NOA1: variants seen among roughly 807,000 people sequenced by gnomAD.
NOA1 encodes nitric oxide-associated protein 1.
NOA1 carries 35 observed loss-of-function variants against 58.4 expected under a neutral mutation model. That is an observed-to-expected ratio of 0.60 (90% CI 0.46 to 0.79). The LOEUF (loss-of-function observed/expected upper bound fraction) is 0.79. NOA1 is among the 30% of genes least tolerant of loss of function. The probability of loss-of-function intolerance (pLI) is 0.00; values close to 1 mark genes in which losing one functional copy is unlikely to be tolerated. For missense variants in NOA1, 895 were observed against 894.6 expected (o/e 1.00, Z -0.01); for synonymous variants, 397 against 373.4 (o/e 1.06, Z -0.73).
At chr4:56,970,954 C>G (rs1721800065) in intron 3 of NOA1, among the ~76,000 whole-genome samples, 1 of 152,142 alleles carries the variant, frequency 6.6e-6, no homozygotes, top group African/African-American at 2.4e-5. Flanking sequence ...GCCTTTCTGA[C>G]ACAACTATTT....
chr4:56,964,670 T>A, intron 5 of NOA1, 144 bp from the exon 6 acceptor site: 2 of 928,618 alleles, frequency 2.2e-6, no homozygotes, highest in Non-Finnish European at 1.6e-6. Flanking sequence ...GAACTTGCAA[T>A]CACTTCTGGG....
At position 56,976,499 on chromosome 4, in the gene NOA1, A is replaced by G. The variant is rs760873843; in HGVS notation, c.1087T>C (p.Tyr363His). 6.2e-7 allele frequency: 1 copy of G among 1,614,192 alleles called. No individual in the cohort carries two copies. Among genetic ancestry groups the G allele is most frequent in the South Asian group, 1.1e-5 (1 of 91,082 alleles). ...GCCTCGGAGCCCTTGGCAGTGCAGT[A>G]ATCGGACTCCAGGAGCGTGTTAAAG... ...TLFNTLLESD[Y>H]CTAKGSEAID... Residue 363 changes from tyrosine (Y) to histidine (H), a missense_variant, in exon 1 of 7, where the codon TAC becomes CAC. By Grantham distance (83) the Tyr-to-His change is moderately conservative (BLOSUM62 2). Transcript: ENST00000264230.
rs372044502 is a variant in NOA1 at position 56,977,360 on chromosome 4, C to G, written c.226G>C (p.Glu76Gln). The change falls in exon 1 of 7, where the codon GAG becomes CAG. Residue 76 changes from glutamate (E) to glutamine (Q), a missense_variant. By Grantham distance (29) the Glu-to-Gln change is conservative. Around this residue, in one of 3 missense-constraint regions of NOA1, gnomAD observed 680 missense variants for 656.5 expected, o/e 1.04. Transcript: ENST00000264230. ...TGCGGCTCCGGATCCAGGATGTACT[C>G]CGGGAACAGAAAACGCTCCTGCATG... ...GDMQERFLFPEYILDPEPQPT... is the reference protein window; with the variant it reads ...GDMQERFLFPQYILDPEPQPT... 1 of 1,614,220 alleles carries G rather than the reference C, an allele frequency of 6.2e-7. No individual in the cohort carries two copies. The highest frequency in any genetic ancestry group is 2.2e-5 in the East Asian group (1 of 44,878).
At position 56,977,367 on chromosome 4, in the gene NOA1, C is replaced by A. The variant is rs775416443; in HGVS notation, c.219G>T (p.Leu73=). 7 of 1,614,226 alleles carry A rather than the reference C, an allele frequency of 4.3e-6. No individual in the cohort carries two copies. In the East Asian group the frequency reaches 1.1e-4, roughly 26 times the overall value. Residue 73 remains leucine (L), a synonymous_variant, in exon 1 of 7, where the codon CTG becomes CTT. Coordinates refer to ENST00000264230, the MANE Select transcript of NOA1 (RefSeq NM_032313.4). ...GEGGDMQERF[L]FPEYILDPEP... is the part of the protein sequence containing the mutation. Reference sequence around the variant, plus strand: ...CCGGATCCAGGATGTACTCCGGGAACAGAAAACGCTCCTGCATGTCACCAC... The same window carrying A: ...CCGGATCCAGGATGTACTCCGGGAAAAGAAAACGCTCCTGCATGTCACCAC...
At chr4:56,973,405 C>G in intron 2 of NOA1, 52 bp from the exon 3 acceptor site, 1 of 1,406,332 alleles carries the variant, frequency 7.1e-7, no homozygotes, top group Non-Finnish European at 1.0e-6. Flanking sequence ...ACTTTTAACT[C>G]CAGACATAAT....
intron 3 of NOA1, among the ~76,000 whole-genome samples, chr4:56,971,088 G>GGATTACC (rs1175717502): frequency 6.6e-6 from 1 of 152,102 alleles, no homozygotes; most frequent in African/African-American, 2.4e-5. Flanking sequence ...TGAAGTGGGT[G>GGATTACC]GATTACCTGA....
chr4:56,967,847 T>C (rs1352996066), intron 4 of NOA1, among the ~76,000 whole-genome samples: 1 of 152,006 alleles, frequency 6.6e-6, no homozygotes, highest in African/African-American at 2.4e-5. Flanking sequence ...GGGTACTCAA[T>C]TGAAAACGTA....
intron 3 of NOA1, among the ~76,000 whole-genome samples, chr4:56,969,972 C>A (rs947550982): frequency 6.6e-5 from 10 of 152,084 alleles, no homozygotes; most frequent in African/African-American, 2.4e-4. Flanking sequence ...TTAGTAGAGA[C>A]GGGGTTTTGT....
intron 5 of NOA1, among the ~76,000 whole-genome samples, chr4:56,966,025 T>C (rs1490468845): frequency 6.5e-5 from 9 of 139,114 alleles, no homozygotes; most frequent in African/African-American, 1.1e-4. Flanking sequence ...TTTCTTTTTT[T>C]TTTTTTTTTT....
chr4:56,973,907 C>G lies in NOA1; in HGVS notation c.1260G>C (p.Glu420Asp). The stretch of plus-strand genomic sequence containing the variant: ...GGACATTAAGCTGATTTTGTTCTTG[C>G]TCACTAAGATCTTCTTCAGCTTGAG... ...DSTQAEEDLS[E>D]QEQNQLNVLK... is the part of the protein sequence containing the mutation. Residue 420 changes from glutamate (E) to aspartate (D), a missense_variant, in exon 2 of 7, where the codon GAG becomes GAC. Glu to Asp is a conservative substitution (Grantham distance 45). Coordinates refer to ENST00000264230, the MANE Select transcript of NOA1 (RefSeq NM_032313.4). 1 of 1,614,124 alleles carries G rather than the reference C, an allele frequency of 6.2e-7. No individual in the cohort carries two copies. Among genetic ancestry groups the G allele is most frequent in the African/African-American group, 1.3e-5 (1 of 75,052 alleles).
intron 5 of NOA1, among the ~76,000 whole-genome samples, chr4:56,965,863 G>T (rs1354211695): frequency 1.5e-5 from 2 of 137,782 alleles, no homozygotes; most frequent in Non-Finnish European, 3.1e-5. Flanking sequence ...TAGAGACAGG[G>T]TTTCACTCTG....
In NOA1 at chr4:56,964,531, C is replaced by T. The variant is rs946987111; in HGVS notation, c.1765-5G>A. 10 of 1,611,086 alleles carry T rather than the reference C, an allele frequency of 6.2e-6. No individual in the cohort carries two copies. Among genetic ancestry groups the T allele is most frequent in the Non-Finnish European group, 8.5e-6 (10 of 1,179,214 alleles). ...TTCTTTTCCACCCATTGGAATCTTC[C>T]AATGAAATAAAGATATTTACAAGTT... On this transcript the variant is annotated splice_polypyrimidine_tract_variant and splice_region_variant and intron_variant, in intron 5 of 6. Transcript: ENST00000264230.
At chr4:56,974,945 T>G (rs962229405) in intron 1 of NOA1, among the ~76,000 whole-genome samples, 1 of 152,128 alleles carries the variant, frequency 6.6e-6, no homozygotes, top group Non-Finnish European at 1.5e-5. Context: ...TCAGGTGATC[T>G]GCCCACCTTG....
Position 56,977,577 on chromosome 4 carries a change from G to T in NOA1, c.9C>A (p.Pro3=), listed in dbSNP as rs763229987. The T allele has an allele frequency of 1.0e-5, 16 of 1,584,678 alleles. No homozygotes were observed. The East Asian group carries it at 2.3e-4, about 23-fold the overall frequency. The part of the protein sequence containing the change: ML[P]ARLPFRLLSL... ...TCAGCAGCCTGAACGGTAGGCGAGC[G>T]GGCAGCATGAGGAAGTAGCTCCAAA... Residue 3 remains proline (P), a synonymous_variant, in exon 1 of 7, where the codon CCC becomes CCA. Coordinates refer to ENST00000264230, the MANE Select transcript of NOA1 (RefSeq NM_032313.4).
Position 56,966,710 on chromosome 4 carries a change from G to A in NOA1, c.1674C>T (p.Val558=), listed in dbSNP as rs763237184. The part of the protein sequence containing the change: ...LQGNQSAWFT[V]VASNILPVHI... ...GCACAGGGAGGATGTTGGAAGCCAC[G>A]ACTGTAAACCAAGCTGACTGATTTC... is the stretch of plus-strand genomic sequence containing the variant. Residue 558 remains valine, a synonymous_variant, in exon 5 of 7, where the codon GTC becomes GTT. Coordinates refer to ENST00000264230, the MANE Select transcript of NOA1 (RefSeq NM_032313.4). The A allele has an allele frequency of 4.3e-6, 7 of 1,613,112 alleles. No individual in the cohort carries two copies. The highest frequency in any genetic ancestry group is 1.3e-5 in the African/African-American group (1 of 74,976).
chr4:56,967,919 GTT>G (rs34091656), intron 4 of NOA1, among the ~76,000 whole-genome samples: 37 of 141,102 alleles, frequency 2.6e-4, no homozygotes, highest in East Asian at 8.3e-4. Flanking sequence ...TTTTCCCCAA[GTT>G]TTTTTTTTTT....
intron 1 of NOA1, 68 bp from the exon 2 acceptor site, chr4:56,974,090 G>GACGACCACCAA: frequency 2.5e-6 from 2 of 812,208 alleles, no homozygotes; most frequent in Non-Finnish European, 3.4e-6. Flanking sequence ...ACATTTTTGA[G>GACGACCACCAA]GATCTACACT....
intron 5 of NOA1, among the ~76,000 whole-genome samples, chr4:56,964,927 T>TTAAG (rs1332686146): frequency 6.6e-6 from 1 of 152,132 alleles, no homozygotes; most frequent in African/African-American, 2.4e-5. Flanking sequence ...TCTTTATGAG[T>TTAAG]TAAGGGTCCA....
intron 1 of NOA1, among the ~76,000 whole-genome samples, chr4:56,974,448 T>TC (rs780819023): frequency 4.6e-5 from 7 of 152,058 alleles, no homozygotes; most frequent in Admixed American, 1.3e-4. Context: ...GGTCAGGAGT[T>TC]CGAGACCTGC....
Sources: allele counts gnomAD v4.1 joint callset (sites outside exome capture counted in the v4.1 genomes callset), GRCh38; gene constraint gnomAD v4.1.1; regional missense constraint gnomAD v4.1.1; transcripts MANE v1.5; gene names NCBI Gene and HGNC (gene_info 2026-07-23, HGNC 2026-07-21).